The following SPAG16 variants were observed in gnomAD, a reference collection of about 807,000 sequenced individuals.
SPAG16 encodes sperm associated antigen 16.
SPAG16 carries 86 observed loss-of-function variants against 80.4 expected under a neutral mutation model. The ratio of observed to expected loss-of-function variants is 1.07; its 90% CI spans 0.90 to 1.28. The LOEUF is 1.28. SPAG16 is among the 50% of genes most tolerant of loss of function. The probability of loss-of-function intolerance (pLI) is 0.00; values close to 1 mark genes in which losing one functional copy is unlikely to be tolerated. For synonymous variants in SPAG16, 294 were observed against 265.9 expected, an observed-to-expected ratio of 1.11 and a Z score of -1.03; for missense variants, 870 against 765.3, an observed-to-expected ratio of 1.14 and a Z score of -1.61.
chr2:214,226,009 A>G (rs1219437382), intron 15 of SPAG16, among the ~76,000 whole-genome samples: 1 of 152,148 alleles, frequency 6.6e-6, no homozygotes, highest in Non-Finnish European at 1.5e-5. Context: ...TAGAAAGCCA[A>G]CAGTGGGACT....
chr2:214,263,171 T>C (rs956376818), intron 15 of SPAG16, among the ~76,000 whole-genome samples: 1 of 152,112 alleles, frequency 6.6e-6, no homozygotes, highest in Non-Finnish European at 1.5e-5. Flanking sequence ...GACTTTTTCA[T>C]CTTATAACAG....
intron 15 of SPAG16, among the ~76,000 whole-genome samples, chr2:214,303,087 A>G (rs1470267249): frequency 6.6e-6 from 1 of 152,222 alleles, no homozygotes; most frequent in Non-Finnish European, 1.5e-5. Context: ...TAGCCAGTCT[A>G]TCTATCTTTT....
intron 10 of SPAG16, among the ~76,000 whole-genome samples, chr2:213,807,002 TG>T (rs1457023040): frequency 1.3e-5 from 2 of 152,184 alleles, no homozygotes; most frequent in African/African-American, 4.8e-5. Flanking sequence ...TGTGTTGTTT[TG>T]TTCAGTCCTT....
At chr2:213,516,024 T>G (rs149722196) in intron 10 of SPAG16, among the ~76,000 whole-genome samples, 1 of 152,288 alleles carries the variant, frequency 6.6e-6, no homozygotes, top group East Asian at 1.9e-4. Context: ...AAGTTTCCAC[T>G]GAGACTTGTG....
chr2:213,307,452 G>A (rs1449382030), intron 3 of SPAG16, among the ~76,000 whole-genome samples: 11 of 140,768 alleles, frequency 7.8e-5, no homozygotes, highest in African/African-American at 2.7e-4. Context: ...GAGAATATGC[G>A]GTGTTTGGTT....
At chr2:214,347,108 A>G (rs1698100817) in intron 15 of SPAG16, among the ~76,000 whole-genome samples, 1 of 152,202 alleles carries the variant, frequency 6.6e-6, no homozygotes, top group Non-Finnish European at 1.5e-5. Flanking sequence ...TAAAGGCTCA[A>G]AAGAAAATGA....
chr2:213,871,067 AAC>A (rs1278815662), intron 11 of SPAG16, among the ~76,000 whole-genome samples: 1 of 152,128 alleles, frequency 6.6e-6, no homozygotes, highest in Non-Finnish European at 1.5e-5. Context: ...CACATACACA[AAC>A]ACACACACAT....
intron 15 of SPAG16, among the ~76,000 whole-genome samples, chr2:214,177,415 T>C (rs1272547258): frequency 1.3e-5 from 2 of 151,152 alleles, no homozygotes; most frequent in African/African-American, 2.4e-5. Flanking sequence ...CCTATGGTTC[T>C]ACCAGCAATT....
intron 12 of SPAG16, among the ~76,000 whole-genome samples, chr2:213,991,539 T>A (rs1441853561): frequency 1.3e-5 from 2 of 152,178 alleles, no homozygotes; most frequent in Non-Finnish European, 2.9e-5. Context: ...TTTATTCATC[T>A]GAATCCATGT....
chr2:214,072,798 A>G (rs540099077), intron 13 of SPAG16, among the ~76,000 whole-genome samples: 5 of 152,320 alleles, frequency 3.3e-5, no homozygotes, highest in African/African-American at 1.2e-4. Flanking sequence ...ATGTTTAAAA[A>G]TAAAAATGTA....
intron 15 of SPAG16, among the ~76,000 whole-genome samples, chr2:214,368,115 T>G (rs1257903038): frequency 6.6e-6 from 1 of 152,160 alleles, no homozygotes; most frequent in East Asian, 1.9e-4. Flanking sequence ...TTTAGTTACA[T>G]AAGCAAACCA....
intron 10 of SPAG16, among the ~76,000 whole-genome samples, chr2:213,769,774 G>A (rs962731763): frequency 1.2e-4 from 18 of 152,030 alleles, no homozygotes; most frequent in South Asian, 2.1e-4. Context: ...ATGCACAGAC[G>A]TGTACAGTTT....
chr2:213,847,796 T>C (rs2556316), intron 10 of SPAG16, among the ~76,000 whole-genome samples: 1 of 151,988 alleles, frequency 6.6e-6, no homozygotes, highest in Non-Finnish European at 1.5e-5. Flanking sequence ...GACCTCTCCT[T>C]GTTACTCTTG....
chr2:213,648,312 CA>C (rs59507502), intron 10 of SPAG16, among the ~76,000 whole-genome samples: 28 of 150,416 alleles, frequency 1.9e-4, no homozygotes, highest in Admixed American at 8.6e-4. Context: ...TATGTCTATT[CA>C]AAAAAAAATG....
intron 10 of SPAG16, among the ~76,000 whole-genome samples, chr2:213,628,530 AATT>A (rs1574554415): frequency 6.6e-6 from 1 of 152,236 alleles, no homozygotes; most frequent in South Asian, 2.1e-4. Flanking sequence ...TTGGACAAGA[AATT>A]ATTAAGTGAC....
chr2:213,699,198 A>G (rs545215959), intron 10 of SPAG16, among the ~76,000 whole-genome samples: 2 of 150,738 alleles, frequency 1.3e-5, no homozygotes, highest in South Asian at 2.1e-4. Context: ...TTTTTCCCCC[A>G]TTTTCCCCAT....
intron 13 of SPAG16, among the ~76,000 whole-genome samples, chr2:214,043,295 C>T (rs547546727): frequency 2.0e-5 from 3 of 152,070 alleles, no homozygotes; most frequent in Admixed American, 6.6e-5. Flanking sequence ...CTATAGTTTA[C>T]CCTTAGTTAG....
chr2:214,208,367 T>TA (rs2058202226), intron 15 of SPAG16, among the ~76,000 whole-genome samples: 1 of 152,174 alleles, frequency 6.6e-6, no homozygotes, highest in Non-Finnish European at 1.5e-5. Flanking sequence ...GTTCTCTGTT[T>TA]AAACTGATTA....
chr2:213,317,406 A>C, intron 5 of SPAG16, 50 bp downstream of exon 5: 1 of 1,560,860 alleles, frequency 6.4e-7, no homozygotes, highest in Non-Finnish European at 8.6e-7. Flanking sequence ...TGGACTAAAT[A>C]AAAGAGTTGA....
Sources: gnomAD v4.1 joint callset for allele counts (sites outside exome capture counted in the v4.1 genomes callset) on GRCh38, gnomAD v4.1.1 for gene constraint, MANE v1.5 for transcripts, NCBI Gene and HGNC (gene_info 2026-07-23, HGNC 2026-07-21) for gene names.